The following HACE1 variants were observed in gnomAD, a reference collection of about 807,000 sequenced individuals.
The protein encoded by HACE1 is E3 ubiquitin-protein ligase HACE1.
Under a neutral mutation model 118.4 loss-of-function variants are expected in HACE1, and 73 were observed. That is an observed-to-expected ratio of 0.62 (90% confidence interval 0.51 to 0.75). The LOEUF is 0.75. Among genes scored for constraint, HACE1 ranks in the 30% least tolerant of loss-of-function variants. The pLI is 0.00. For missense variants in HACE1, 749 were observed against 1,102.2 expected, an observed-to-expected ratio of 0.68 and a Z score of 4.54; for synonymous variants, 368 against 374.8, an observed-to-expected ratio of 0.98 and a Z score of 0.21.
At chr6:104,745,953 A>G (rs1777384160) in intron 20 of HACE1, among the ~76,000 whole-genome samples, 2 of 152,164 alleles carry the variant, frequency 1.3e-5, no homozygotes, top group African/African-American at 4.8e-5. Context: ...TTTTCTTCAT[A>G]TATTTCAACC....
intron 11 of HACE1, chr6:104,785,837 T>C (rs1782328497): frequency 6.5e-6 from 1 of 153,520 alleles, no homozygotes. Flanking sequence ...AATTAAAAAA[T>C]GAGAATCCCT....
chr6:104,792,108 A>G (rs1783084641), intron 10 of HACE1, among the ~76,000 whole-genome samples: 2 of 152,236 alleles, frequency 1.3e-5, no homozygotes, highest in Admixed American at 1.3e-4. Flanking sequence ...CTCTGCCACT[A>G]TATCCATAAT....
At chr6:104,794,014 C>T (rs571659052) in intron 10 of HACE1, among the ~76,000 whole-genome samples, 1 of 152,268 alleles carries the variant, frequency 6.6e-6, no homozygotes, top group East Asian at 1.9e-4. Flanking sequence ...TTTCTCCTGT[C>T]CCACCAACCA....
chr6:104,843,465 G>A (rs1001834047), intron 4 of HACE1, among the ~76,000 whole-genome samples, 167 bp from the exon 5 acceptor site: 3 of 152,050 alleles, frequency 2.0e-5, no homozygotes, highest in Non-Finnish European at 4.4e-5. Context: ...ACTACTTGAC[G>A]CAAGATACAA....
At chr6:104,751,688 A>C (rs1419488807) in intron 19 of HACE1, among the ~76,000 whole-genome samples, 4 of 152,214 alleles carry the variant, frequency 2.6e-5, no homozygotes, top group Admixed American at 2.0e-4. Flanking sequence ...GGCTTAGAAC[A>C]AAATGAATTA....
chr6:104,795,496 G>T lies in HACE1; in HGVS notation c.923+83C>A, dbSNP rs1347744954. ...ATAACATCGTTATCACTGACAAAAG[G>T]TATCCCACAGAATAAACTACTCAGG... On this transcript the variant is annotated intron_variant, in intron 10 of 23. Transcript: ENST00000262903. 11 of 846,454 alleles carry T rather than the reference G, an allele frequency of 1.3e-5. No individual in the cohort carries two copies. The East Asian group carries it at 2.7e-4, about 21-fold the overall frequency. 52.4% of individuals were successfully genotyped at this position (846,454 alleles called of 1,614,324 possible).
rs201964810 is a variant in HACE1 at position 104,764,058 on chromosome 6, C to CA, written c.2211+7134dup. 6.4e-3 allele frequency among the ~76,000 whole-genome samples: 970 copies of CA among 150,522 alleles called. 7 individuals are homozygous for CA. Among genetic ancestry groups the CA allele is most frequent in the African/African-American group, 0.023 (926 of 41,124 alleles). On this transcript the variant is annotated intron_variant, in intron 19 of 23. Transcript: ENST00000262903. ...CAAGATTTTATCTCAAACAAACAAA[C>CA]AAAAAAAAAGTACTGCACACTTTTT... is the stretch of plus-strand genomic sequence containing the variant.
intron 10 of HACE1, among the ~76,000 whole-genome samples, 182 bp downstream of exon 10, chr6:104,795,397 A>C (rs971343323): frequency 6.6e-6 from 1 of 152,160 alleles, no homozygotes; most frequent in Non-Finnish European, 1.5e-5. Context: ...CTTTAGAGAG[A>C]CTAAAATCTC....
At chr6:104,792,724 G>C (rs1426012160) in intron 10 of HACE1, among the ~76,000 whole-genome samples, 12 of 152,138 alleles carry the variant, frequency 7.9e-5, no homozygotes, top group Non-Finnish European at 1.3e-4. Context: ...CTGAAAAACT[G>C]CATCTGCCAC....
intron 17 of HACE1, among the ~76,000 whole-genome samples, chr6:104,775,019 G>A (rs1395190841): frequency 2.0e-5 from 3 of 152,082 alleles, no homozygotes; most frequent in African/African-American, 4.8e-5. Flanking sequence ...CACCAAAGAG[G>A]AGACTGATAT....
chr6:104,787,054 A>T (rs1173047225), intron 11 of HACE1: 1 of 152,138 alleles, frequency 6.6e-6, no homozygotes, highest in African/African-American at 2.4e-5. Flanking sequence ...CTTTTTGAAA[A>T]TATTTTACTT....
chr6:104,820,532 T>C lies in HACE1; in HGVS notation c.535-9139A>G, dbSNP rs538844657. Among the ~76,000 whole-genome samples the C allele has an allele frequency of 1.9e-4, 29 of 152,222 alleles. No individual in the cohort carries two copies. The East Asian group carries it at 4.0e-3, about 21-fold the overall frequency. On this transcript the variant is annotated intron_variant, in intron 6 of 23. Coordinates refer to ENST00000262903, the MANE Select transcript of HACE1 (RefSeq NM_020771.4). Reference sequence around the variant, plus strand: ...CCCATTAAAAAGTGGGCAAAGGACATGAACAGACACTTCTCAAAAGAAGAC... The same window carrying C: ...CCCATTAAAAAGTGGGCAAAGGACACGAACAGACACTTCTCAAAAGAAGAC...
At chr6:104,776,619 A>G in intron 17 of HACE1, 122 bp downstream of exon 17, 1 of 715,258 alleles carries the variant, frequency 1.4e-6, no homozygotes, top group East Asian at 2.6e-5. Context: ...TTTCTCATCT[A>G]TAAAATAAGA....
At chr6:104,775,611 G>C (rs1251452979) in intron 17 of HACE1, among the ~76,000 whole-genome samples, 3 of 152,118 alleles carry the variant, frequency 2.0e-5, no homozygotes, top group African/African-American at 7.2e-5. Context: ...TTAAACTCAT[G>C]ACTTCACTGA....
chr6:104,804,450 C>T (rs1461328433), intron 7 of HACE1, among the ~76,000 whole-genome samples: 1 of 152,144 alleles, frequency 6.6e-6, no homozygotes, highest in African/African-American at 2.4e-5. Context: ...CATCATGCTA[C>T]CTGACTTCAA....
At chr6:104,785,531 A>G (rs1582460045) in intron 11 of HACE1, 1 of 530,144 alleles carries the variant, frequency 1.9e-6, no homozygotes. Flanking sequence ...TATGGCAATA[A>G]TTTAATTTGT....
intron 22 of HACE1, among the ~76,000 whole-genome samples, chr6:104,733,814 G>A (rs968105363): frequency 2.0e-5 from 3 of 150,094 alleles, no homozygotes; most frequent in Non-Finnish European, 1.5e-5. Context: ...ACTCCAGCCT[G>A]GGCAATAGAG....
chr6:104,757,452 G>T (rs143733256), intron 19 of HACE1, among the ~76,000 whole-genome samples: 119 of 152,288 alleles, frequency 7.8e-4, no homozygotes, highest in African/African-American at 2.6e-3. Flanking sequence ...CAGCTAAGGG[G>T]CCTGTTTGTT....
chr6:104,845,046 T>C (rs570610087), intron 4 of HACE1, among the ~76,000 whole-genome samples: 1 of 152,294 alleles, frequency 6.6e-6, no homozygotes, highest in South Asian at 2.1e-4. Context: ...ACAGTGTGTA[T>C]ATGTTAAATA....
Sources: gnomAD v4.1 joint callset for allele counts (sites outside exome capture counted in the v4.1 genomes callset) on GRCh38, gnomAD v4.1.1 for gene constraint, MANE v1.5 for transcripts, NCBI Gene and HGNC (gene_info 2026-07-23, HGNC 2026-07-21) for gene names.